ZNF792: variants seen among roughly 807,000 people sequenced by gnomAD.
ZNF792 encodes zinc finger protein 792.
ZNF792 carries 14 observed loss-of-function variants against 13.1 expected under a neutral mutation model. The observed-to-expected ratio is 1.07, with a 90% CI of 0.71 to 1.67. The LOEUF is 1.67. Among genes scored for constraint, ZNF792 ranks in the 40% most tolerant of loss-of-function variants. ZNF792 has a pLI of 0.00. For synonymous variants in ZNF792, 257 were observed against 292.0 expected (o/e 0.88, Z 1.22); for missense variants, 740 against 807.9 (o/e 0.92, Z 1.02).
intron 3 of ZNF792, 102 bp from the exon 4 acceptor site, chr19:34,959,673 G>T: frequency 1.6e-6 from 2 of 1,276,492 alleles, no homozygotes; most frequent in African/African-American, 1.5e-5. Context: ...CCATGGGATT[G>T]TTGGCAACAC....
At chr19:34,963,355 C>A (rs2013555259) in intron 1 of ZNF792, among the ~76,000 whole-genome samples, 1 of 151,864 alleles carries the variant, frequency 6.6e-6, no homozygotes. Flanking sequence ...CGTGCCCCAC[C>A]CCACCCCCAA....
In ZNF792 at chr19:34,959,320, G is replaced by GT; in HGVS notation, c.534dup (p.Gln179ThrfsTer51). On this transcript the variant is annotated frameshift_variant, in exon 4 of 4. Transcript: ENST00000404801. LOFTEE classifies it low-confidence loss of function (END_TRUNC). ...GGGTTGTGTACGTTCTGCTGCACCTGTTTCCGGGGAAGGTTTGCACTGAAC... is the reference window on the plus strand; with the variant it reads ...GGGTTGTGTACGTTCTGCTGCACCTGTTTTCCGGGGAAGGTTTGCACTGAAC... The GT allele has an allele frequency of 6.2e-7, 1 of 1,614,026 alleles. No individual in the cohort carries two copies.
chr19:34,959,615 A>G, intron 3 of ZNF792, 44 bp from the exon 4 acceptor site: 4 of 1,508,602 alleles, frequency 2.7e-6, no homozygotes, highest in Non-Finnish European at 3.5e-6. Flanking sequence ...AAACTTTAAT[A>G]GAAGGAAAGA....
rs2013460765 is a variant in ZNF792 at position 34,958,140 on chromosome 19, T to C, written c.1715A>G (p.Asn572Ser). The C allele has an allele frequency of 6.2e-7, 1 of 1,613,806 alleles. No homozygotes were observed. The highest frequency in any genetic ancestry group is 8.5e-7 in the Non-Finnish European group (1 of 1,179,796). The change falls in exon 4 of 4, where the codon AAC (asparagine) becomes AGC (serine). Residue 572 changes from asparagine (N) to serine (S), a missense_variant. Transcript: ENST00000404801. ...YECSECGKAFNQRPTLIRHQK... is the reference protein window; with the variant it reads ...YECSECGKAFSQRPTLIRHQK... ...ATGCCGAATGAGGGTAGGCCTTTGG[T>C]TGAAGGCTTTCCCACATTCGCTGCA...
At chr19:34,963,222 G>C (rs1441819990) in intron 1 of ZNF792, among the ~76,000 whole-genome samples, 1 of 152,068 alleles carries the variant, frequency 6.6e-6, no homozygotes, top group Non-Finnish European at 1.5e-5. Context: ...CCTCAGAACA[G>C]AGGCCCAGCT....
chr19:34,959,216 C>T lies in ZNF792; in HGVS notation c.639G>A (p.Arg213=). ...DHTSDQLSTC[R]EGGKDFVATA... ...TGGCCACAAAGTCCTTCCCACCCTC[C>T]CTGCAGGTGGAAAGCTGATCTGATG... Residue 213 remains arginine, a synonymous_variant, in exon 4 of 4, where the codon AGG becomes AGA. Coordinates refer to ENST00000404801, the MANE Select transcript of ZNF792 (RefSeq NM_175872.5). The T allele has an allele frequency of 6.2e-7, 1 of 1,614,046 alleles. No homozygotes were observed. The highest frequency in any genetic ancestry group is 8.5e-7 in the Non-Finnish European group (1 of 1,179,896).
intron 1 of ZNF792, among the ~76,000 whole-genome samples, chr19:34,962,883 A>C (rs544683051): frequency 2.0e-5 from 3 of 152,130 alleles, no homozygotes; most frequent in Non-Finnish European, 4.4e-5. Context: ...AATTCCTCCT[A>C]AAACCAACTT....
At chr19:34,961,600 G>A (rs1568553116) in intron 1 of ZNF792, among the ~76,000 whole-genome samples, 2 of 152,110 alleles carry the variant, frequency 1.3e-5, no homozygotes, top group African/African-American at 4.8e-5. Flanking sequence ...TTGCCTTGGA[G>A]CCCCCTAGCT....
chr19:34,958,930 G>GT lies in ZNF792; in HGVS notation c.924dup (p.Pro309ThrfsTer3). 3 of 1,613,998 alleles carry GT rather than the reference G, an allele frequency of 1.9e-6. No individual in the cohort carries two copies. Among genetic ancestry groups the GT allele is most frequent in the Non-Finnish European group, 2.5e-6 (3 of 1,179,896 alleles). On this transcript the variant is annotated frameshift_variant, in exon 4 of 4. Transcript: ENST00000404801. LOFTEE classifies it low-confidence loss of function (END_TRUNC). ...TTTCCACATTCACAGCACTCATACG[G>GT]TTTTCCTCTATTGTGAACTTTCTGG...
Position 34,958,927 on chromosome 19 carries a change from A to G in ZNF792, c.928T>C (p.Tyr310His). 6.2e-7 allele frequency: 1 copy of G among 1,613,982 alleles called. No homozygotes were observed. Among genetic ancestry groups the G allele is most frequent in the South Asian group, 1.1e-5 (1 of 91,076 alleles). ...HQKVHNRGKPYECCECGKFFS... is the reference protein window; with the variant it reads ...HQKVHNRGKPHECCECGKFFS... ...AATTTTCCACATTCACAGCACTCAT[A>G]CGGTTTTCCTCTATTGTGAACTTTC... is the stretch of plus-strand genomic sequence containing the variant. Residue 310 changes from tyrosine to histidine, a missense_variant, in exon 4 of 4, where the codon TAT becomes CAT. By Grantham distance (83) the Tyr-to-His change is moderately conservative. Coordinates refer to ENST00000404801, the MANE Select transcript of ZNF792 (RefSeq NM_175872.5).
At chr19:34,960,101 G>A (rs930268824) in intron 3 of ZNF792, 134 bp downstream of exon 3, 30 of 1,319,528 alleles carry the variant, frequency 2.3e-5, no homozygotes, top group South Asian at 1.1e-4. Flanking sequence ...TGTCAAGCAC[G>A]GGGAAGGAAA....
At position 34,958,180 on chromosome 19, in the gene ZNF792, C is replaced by G. The variant is rs377246340; in HGVS notation, c.1675G>C (p.Asp559His). Reference protein sequence around the residue: ...LRQHLKVHKPDRPYECSECGK... With the variant: ...LRQHLKVHKPHRPYECSECGK... ...CATTCGCTGCATTCGTAAGGCCTGT[C>G]TGGTTTGTGAACTTTCAGGTGCTGC... Residue 559 changes from aspartate (D) to histidine (H), a missense_variant, in exon 4 of 4, where the codon GAC (aspartate) becomes CAC (histidine). Asp to His is a moderately conservative substitution (Grantham distance 81). Coordinates refer to ENST00000404801, the MANE Select transcript of ZNF792 (RefSeq NM_175872.5). 6.2e-7 allele frequency: 1 copy of G among 1,611,844 alleles called. No individual in the cohort carries two copies. Among genetic ancestry groups the G allele is most frequent in the East Asian group, 2.2e-5 (1 of 44,836 alleles).
In ZNF792 at chr19:34,959,292, A is replaced by G; in HGVS notation, c.563T>C (p.Ile188Thr). ...GGAAGCCTGGCCCTCCTCCGTTCTG[A>G]TAGGGTTGTGTACGTTCTGCTGCAC... ...KQVQQNVHNP[I>T]RTEEGQASPV... The change falls in exon 4 of 4, where the codon ATC becomes ACC. Residue 188 changes from isoleucine (I) to threonine (T), a missense_variant. Transcript: ENST00000404801. 1 of 1,613,924 alleles carries G rather than the reference A, an allele frequency of 6.2e-7. No individual in the cohort carries two copies. The highest frequency in any genetic ancestry group is 1.1e-5 in the South Asian group (1 of 91,074).
At position 34,960,940 on chromosome 19, in the gene ZNF792, G is replaced by A. The variant is rs979975976; in HGVS notation, c.88C>T (p.Leu30Phe). The A allele has an allele frequency of 5.0e-6, 8 of 1,613,890 alleles. No individual in the cohort carries two copies. Among genetic ancestry groups the A allele is most frequent in the Non-Finnish European group, 6.8e-6 (8 of 1,179,944 alleles). ...TIYFSQEEWVLLDEAQRLLYC... is the reference protein window; with the variant it reads ...TIYFSQEEWVFLDEAQRLLYC... ...AGGAGTCTCTGAGCCTCATCGAGGAGCACCCACTCCTCCTGGGAGAAGTAA... is the reference window on the plus strand; with the variant it reads ...AGGAGTCTCTGAGCCTCATCGAGGAACACCCACTCCTCCTGGGAGAAGTAA... The change falls in exon 2 of 4, where the codon CTC becomes TTC. Residue 30 changes from leucine to phenylalanine, a missense_variant. Coordinates refer to ENST00000404801, the MANE Select transcript of ZNF792 (RefSeq NM_175872.5).
At chr19:34,962,779 TG>T (rs2013546961) in intron 1 of ZNF792, among the ~76,000 whole-genome samples, 1 of 152,116 alleles carries the variant, frequency 6.6e-6, no homozygotes, top group Non-Finnish European at 1.5e-5. Flanking sequence ...CCGAACTGTG[TG>T]TTCAGCGGCC....
rs1436614604 is a variant in ZNF792, at chr19:34,958,549, T to G, written c.1306A>C (p.Ser436Arg). The G allele has an allele frequency of 4.4e-6, 7 of 1,598,670 alleles. No individual in the cohort carries two copies. The highest frequency in any genetic ancestry group is 6.0e-6 in the Non-Finnish European group (7 of 1,171,408). Residue 436 changes from serine to arginine, a missense_variant, in exon 4 of 4, where the codon AGC (serine) becomes CGC (arginine). Transcript: ENST00000404801. ...TGAACTATCTGATGTTGAATGAGGC[T>G]GGCAATGTGGCTGAAGAATTTCCCA... ...ECGKFFSHIASLIQHQIVHTG... is the reference protein window; with the variant it reads ...ECGKFFSHIARLIQHQIVHTG...
chr19:34,960,713 A>T, intron 2 of ZNF792, 155 bp downstream of exon 2: 1 of 1,172,994 alleles, frequency 8.5e-7, no homozygotes, highest in Non-Finnish European at 1.2e-6. Flanking sequence ...AACAATGCAC[A>T]TAGCTCAGCC....
chr19:34,957,029 T>C lies in ZNF792; in HGVS notation c.*927A>G, dbSNP rs1411584781. On this transcript the variant is annotated 3_prime_UTR_variant, in exon 4 of 4. Transcript: ENST00000404801. Reference sequence around the variant, plus strand: ...TATAATCTCGCCTACTCCCTATTAATCACATCCAGTGTTTCTGTACAAATT... The same window carrying C: ...TATAATCTCGCCTACTCCCTATTAACCACATCCAGTGTTTCTGTACAAATT... 4.6e-5 allele frequency: 7 copies of C among 152,236 alleles called. No individual in the cohort carries two copies. The highest frequency in any genetic ancestry group is 1.7e-4 in the African/African-American group (7 of 41,456). 9.4% of individuals were successfully genotyped at this position (152,236 alleles called of 1,614,324 possible). A position where few individuals can be genotyped will look rare whatever the true frequency, so the allele number is the denominator to read the frequency against.
intron 1 of ZNF792, among the ~76,000 whole-genome samples, chr19:34,962,122 C>G (rs1600244216): frequency 1.4e-5 from 2 of 148,024 alleles, no homozygotes; most frequent in African/African-American, 5.1e-5. Flanking sequence ...CCACCTTCCT[C>G]TTTTTTTTAA....
Sources: allele counts gnomAD v4.1 joint callset (sites outside exome capture counted in the v4.1 genomes callset), GRCh38; gene constraint gnomAD v4.1.1; transcripts MANE v1.5; gene names NCBI Gene and HGNC (gene_info 2026-07-23, HGNC 2026-07-21).